NEO1: variants seen among roughly 807,000 people sequenced by gnomAD.
NEO1 encodes the protein neogenin.
Under a neutral mutation model 159.7 loss-of-function variants are expected in NEO1, and 63 were observed. The observed-to-expected ratio is 0.39, with a 90% CI of 0.32 to 0.49. NEO1 has a LOEUF of 0.49. Ranked by LOEUF, NEO1 falls within the 20% of genes least tolerant of loss-of-function variation. The pLI, the probability that NEO1 is intolerant of heterozygous loss-of-function variation, is 0.85. For missense variants in NEO1, 1,615 were observed against 1,831.0 expected (o/e 0.88, Z 2.15); for synonymous variants, 633 against 662.0 (o/e 0.96, Z 0.67).
rs1055165976 is a variant in NEO1 at position 73,302,780 on chromosome 15, G to A, written c.*84G>A. On this transcript the variant is annotated 3_prime_UTR_variant, in exon 29 of 29. Coordinates refer to ENST00000261908, the MANE Select transcript of NEO1 (RefSeq NM_002499.4). ...GAAAACAAGGAATTGTACAGAGTAC[G>A]AGAGGACAGCACTTGAGAACACAGA... The A allele has an allele frequency of 1.1e-5, 14 of 1,258,864 alleles. No individual in the cohort carries two copies. The highest frequency in any genetic ancestry group is 5.1e-5 in the South Asian group (4 of 79,068). The allele number at this position is 1,258,864 out of a possible 1,614,324, so 78.0% of individuals were successfully genotyped here.
intron 5 of NEO1, among the ~76,000 whole-genome samples, chr15:73,167,725 A>G (rs1042205349): frequency 6.6e-6 from 1 of 152,206 alleles, no homozygotes; most frequent in Non-Finnish European, 1.5e-5. Flanking sequence ...AGTGGAGCCT[A>G]TATTTAATAA....
At chr15:73,223,592 G>A (rs1051166007) in intron 7 of NEO1, among the ~76,000 whole-genome samples, 6 of 152,138 alleles carry the variant, frequency 3.9e-5, no homozygotes, top group Non-Finnish European at 7.3e-5. Flanking sequence ...TCTGATATAA[G>A]AATAGCTACC....
intron 5 of NEO1, among the ~76,000 whole-genome samples, chr15:73,168,379 T>TGGGG (rs75298868): frequency 2.0e-5 from 1 of 51,186 alleles, no homozygotes; most frequent in African/African-American, 8.9e-5. Flanking sequence ...AGACGGGGGG[T>TGGGG]GGGGGGGGGG....
chr15:73,249,629 A>G lies in NEO1; in HGVS notation c.1802A>G (p.Lys601Arg), dbSNP rs1159846309. Residue 601 changes from lysine to arginine, a missense_variant, in exon 11 of 29, where the codon AAA becomes AGA. Physicochemically the swap from Lys to Arg is conservative, Grantham distance 26. Around this residue, in one of 3 missense-constraint regions of NEO1, gnomAD observed 1,018 missense variants for 1,115.4 expected, o/e 0.91. Coordinates refer to ENST00000261908, the MANE Select transcript of NEO1 (RefSeq NM_002499.4). ...TCTTACACCATTAATGGGTTGAAAA[A>G]ATATACAGAGTATAGTTTCCGAGTG... ...SHSYTINGLK[K>R]YTEYSFRVVA... is the part of the protein sequence containing the mutation. 6.2e-7 allele frequency: 1 copy of G among 1,613,662 alleles called. No individual in the cohort carries two copies. Among genetic ancestry groups the G allele is most frequent in the Non-Finnish European group, 8.5e-7 (1 of 1,179,862 alleles).
chr15:73,275,373 C>T (rs1241714699), intron 21 of NEO1, among the ~76,000 whole-genome samples: 7 of 152,190 alleles, frequency 4.6e-5, no homozygotes, highest in Non-Finnish European at 8.8e-5. Context: ...ACTTAGGCCA[C>T]GTACGGTGGC....
chr15:73,124,362 G>A (rs904296197), intron 3 of NEO1, among the ~76,000 whole-genome samples: 1 of 152,032 alleles, frequency 6.6e-6, no homozygotes, highest in Non-Finnish European at 1.5e-5. Flanking sequence ...AGTGGCCAGC[G>A]TGAGATGTAT....
chr15:73,236,011 G>A (rs1223428351), intron 7 of NEO1, among the ~76,000 whole-genome samples: 1 of 152,180 alleles, frequency 6.6e-6, no homozygotes, highest in Admixed American at 6.5e-5. Flanking sequence ...ATTCTCAGCT[G>A]TCACCCTCCT....
intron 1 of NEO1, among the ~76,000 whole-genome samples, chr15:73,090,739 T>G (rs565515606): frequency 2.6e-5 from 4 of 152,344 alleles, no homozygotes; most frequent in South Asian, 4.1e-4. Flanking sequence ...TTACCAATCA[T>G]TTTACATGTT....
chr15:73,061,745 T>C (rs2067989363), intron 1 of NEO1, among the ~76,000 whole-genome samples: 2 of 152,228 alleles, frequency 1.3e-5, no homozygotes, highest in African/African-American at 4.8e-5. Context: ...GTCTATTTTA[T>C]ATATACAATT....
At chr15:73,133,434 A>G (rs2031379929) in intron 4 of NEO1, among the ~76,000 whole-genome samples, 1 of 152,162 alleles carries the variant, frequency 6.6e-6, no homozygotes, top group Non-Finnish European at 1.5e-5. Context: ...AAAAAGCTAC[A>G]TGTTGGGTGC....
intron 22 of NEO1, among the ~76,000 whole-genome samples, chr15:73,282,523 C>T (rs1439105810): frequency 6.6e-6 from 1 of 152,166 alleles, no homozygotes; most frequent in Non-Finnish European, 1.5e-5. Context: ...AGATATCTGC[C>T]TGTTGGGGAA....
intron 26 of NEO1, 143 bp downstream of exon 26, chr15:73,293,691 T>G (rs960298472): frequency 4.4e-6 from 4 of 912,986 alleles, no homozygotes. Flanking sequence ...TGTGACTGAC[T>G]CAAATTTGTT....
At chr15:73,232,025 C>A (rs537827750) in intron 7 of NEO1, among the ~76,000 whole-genome samples, 73 of 152,268 alleles carry the variant, frequency 4.8e-4, no homozygotes, top group African/African-American at 1.6e-3. Context: ...GAGGACATTC[C>A]AAGAAAGACA....
chr15:73,199,279 A>G (rs2036721001), intron 7 of NEO1, among the ~76,000 whole-genome samples: 1 of 151,632 alleles, frequency 6.6e-6, no homozygotes, highest in Non-Finnish European at 1.5e-5. Flanking sequence ...CATTGAGGGC[A>G]CATGCTCTCA....
intron 7 of NEO1, among the ~76,000 whole-genome samples, chr15:73,182,131 T>C (rs1246914615): frequency 1.3e-5 from 2 of 151,998 alleles, no homozygotes; most frequent in Admixed American, 1.3e-4. Context: ...AGCCATCAGA[T>C]CTCATGAGAC....
chr15:73,263,522 T>C lies in NEO1; in HGVS notation c.2399-2794T>C, dbSNP rs191711669. ...ATTGTTGATTTTAAAAGCAAAAGAA[T>C]TTGAGAAATATTTATATTTTATAAT... is the stretch of plus-strand genomic sequence containing the variant. On this transcript the variant is annotated intron_variant, in intron 15 of 28. Coordinates refer to ENST00000261908, the MANE Select transcript of NEO1 (RefSeq NM_002499.4). 2.1e-3 allele frequency among the ~76,000 whole-genome samples: 321 copies of C among 152,120 alleles called. 2 individuals are homozygous for C. Among genetic ancestry groups the C allele is most frequent in the African/African-American group, 7.4e-3 (306 of 41,540 alleles).
chr15:73,096,154 A>C (rs964496958), intron 1 of NEO1, among the ~76,000 whole-genome samples: 4 of 152,208 alleles, frequency 2.6e-5, no homozygotes, highest in Non-Finnish European at 5.9e-5. Context: ...ATCCATTTGC[A>C]AGGAAAAAAT....
At chr15:73,117,881 C>T (rs572514269) in intron 2 of NEO1, among the ~76,000 whole-genome samples, 9 of 151,796 alleles carry the variant, frequency 5.9e-5, no homozygotes, top group African/African-American at 1.9e-4. Context: ...CCCTCCTTCC[C>T]TTCTACCCTC....
Position 73,109,370 on chromosome 15 carries a change from T to C in NEO1, c.131-7170T>C, listed in dbSNP as rs140910130. Among the ~76,000 whole-genome samples, 509 of 152,222 alleles carry C rather than the reference T, an allele frequency of 3.3e-3. 2 individuals carry two copies. The highest frequency in any genetic ancestry group is 5.2e-3 in the Non-Finnish European group (356 of 68,016). On this transcript the variant is annotated intron_variant, in intron 1 of 28. Transcript: ENST00000261908. ...TTTTCCTGTTTGATGGGGGAGAAAATGTTAGATACAGAGAGAAATTAAGCA... is the reference window on the plus strand; with the variant it reads ...TTTTCCTGTTTGATGGGGGAGAAAACGTTAGATACAGAGAGAAATTAAGCA...
Sources: gnomAD v4.1 joint callset for allele counts (sites outside exome capture counted in the v4.1 genomes callset) on GRCh38, gnomAD v4.1.1 for gene constraint, gnomAD v4.1.1 regional missense constraint, MANE v1.5 for transcripts, NCBI Gene and HGNC (gene_info 2026-07-23, HGNC 2026-07-21) for gene names.